CENPP: variants seen among roughly 807,000 people sequenced by gnomAD.
CENPP encodes the protein centromere protein P.
CENPP carries 24 observed loss-of-function variants against 35.6 expected under a neutral mutation model. The ratio of observed to expected loss-of-function variants is 0.67; its 90% CI spans 0.49 to 0.95. The LOEUF is 0.95. CENPP is among the 40% of genes least tolerant of loss of function. The pLI, the probability that CENPP is intolerant of heterozygous loss-of-function variation, is 0.00. For synonymous variants in CENPP, 120 were observed against 125.5 expected, an observed-to-expected ratio of 0.96 and a Z score of 0.29; for missense variants, 332 against 345.3, an observed-to-expected ratio of 0.96 and a Z score of 0.31.
intron 5 of CENPP, among the ~76,000 whole-genome samples, chr9:92,418,668 A>G (rs776844607): frequency 2.0e-5 from 3 of 152,172 alleles, no homozygotes; most frequent in Non-Finnish European, 4.4e-5. Context: ...GGGAGATTCT[A>G]CAACTTCTAT....
chr9:92,465,175 C>T, intron 5 of CENPP: 1 of 636,776 alleles, frequency 1.6e-6, no homozygotes, highest in Non-Finnish European at 2.8e-6. Context: ...ATATCTGCTT[C>T]TGTCTATCTA....
In CENPP at chr9:92,616,568, A is replaced by C. The variant is rs1235633639; in HGVS notation, c.*3419A>C. 2 of 154,740 alleles carry C rather than the reference A, an allele frequency of 1.3e-5. No individual in the cohort carries two copies. Among genetic ancestry groups the C allele is most frequent in the African/African-American group, 4.8e-5 (2 of 41,460 alleles). 9.6% of individuals were successfully genotyped at this position (154,740 alleles called of 1,614,324 possible). On this transcript the variant is annotated 3_prime_UTR_variant, in exon 8 of 8. Transcript: ENST00000375587. ...TCTTCTTTGCCTCTCCTGTCTGCTG[A>C]GAAACGCAAGCTCCTTTGGTTCACA...
intron 5 of CENPP, among the ~76,000 whole-genome samples, chr9:92,598,590 G>A (rs937482377): frequency 6.6e-6 from 1 of 152,184 alleles, no homozygotes; most frequent in African/African-American, 2.4e-5. Flanking sequence ...AACAAGGTCA[G>A]GAGGCAGGGC....
At chr9:92,600,523 CT>C in intron 5 of CENPP, 2 of 1,612,810 alleles carry the variant, frequency 1.2e-6, no homozygotes, top group Non-Finnish European at 1.7e-6. Flanking sequence ...GTGCTGAGGG[CT>C]GGGCCACCCC....
At chr9:92,419,733 A>G (rs1243332626) in intron 5 of CENPP, among the ~76,000 whole-genome samples, 2 of 152,200 alleles carry the variant, frequency 1.3e-5, no homozygotes, top group Non-Finnish European at 2.9e-5. Context: ...AAAAGGTTTT[A>G]AAAAATCCTA....
intron 5 of CENPP, chr9:92,460,524 T>G: frequency 1.9e-6 from 3 of 1,606,352 alleles, no homozygotes; most frequent in Non-Finnish European, 2.6e-6. Flanking sequence ...CTGTTGAAAT[T>G]TTATTATAAT....
chr9:92,550,612 T>G (rs1849568192), intron 5 of CENPP, among the ~76,000 whole-genome samples: 1 of 152,104 alleles, frequency 6.6e-6, no homozygotes, highest in African/African-American at 2.4e-5. Context: ...TCCAGGAGGC[T>G]GGAAGTATTT....
rs868060483 is a variant in CENPP, at chr9:92,404,412, C to G, written c.564+24553C>G. 7 of 855,832 alleles carry G rather than the reference C, an allele frequency of 8.2e-6. No individual in the cohort carries two copies. The Middle Eastern group carries it at 1.3e-3, about 163-fold the overall frequency. The allele number at this position is 855,832 out of a possible 1,614,324, so 53.0% of individuals were successfully genotyped here. A position where few individuals can be genotyped will look rare whatever the true frequency, so the allele number is the denominator to read the frequency against. On this transcript the variant is annotated intron_variant, in intron 5 of 7. Coordinates refer to ENST00000375587, the MANE Select transcript of CENPP (RefSeq NM_001012267.3). ...TAACTGAAACTTAAACCAGAGATGG[C>G]CTTTACATTTATTAAGACTATTAGA...
At chr9:92,486,428 G>A (rs1358332511) in intron 5 of CENPP, among the ~76,000 whole-genome samples, 1 of 152,178 alleles carries the variant, frequency 6.6e-6, no homozygotes, top group Admixed American at 6.5e-5. Context: ...GGAGCATATA[G>A]TATTTTTAAA....
rs186803363 is a variant in CENPP at position 92,611,274 on chromosome 9, C to T, written c.565-40C>T. On this transcript the variant is annotated intron_variant, in intron 5 of 7. Coordinates refer to ENST00000375587, the MANE Select transcript of CENPP (RefSeq NM_001012267.3). ...GCCCCTCCCATGGCCCCTTTCTCCC[C>T]ACCAGTGGATCTGTCTACCCGTTTC... 17 of 1,543,950 alleles carry T rather than the reference C, an allele frequency of 1.1e-5. No homozygotes were observed. In the East Asian group the frequency reaches 3.8e-4, roughly 35 times the overall value.
In CENPP at chr9:92,619,687, T is replaced by A. The variant is rs1173334800; in HGVS notation, c.*6538T>A. On this transcript the variant is annotated 3_prime_UTR_variant, in exon 8 of 8. Coordinates refer to ENST00000375587, the MANE Select transcript of CENPP (RefSeq NM_001012267.3). ...CTGCCTCAGAACCTGAGGGTGGGAT[T>A]AGGAGCGAGGGCCACGGTGAGCACG... is the stretch of plus-strand genomic sequence containing the variant. 5.5e-6 allele frequency: 5 copies of A among 912,876 alleles called. No individual in the cohort carries two copies. Among genetic ancestry groups the A allele is most frequent in the Non-Finnish European group, 8.6e-6 (5 of 584,416 alleles). The allele number at this position is 912,876 out of a possible 1,614,324, so 56.5% of individuals were successfully genotyped here. A position where few individuals can be genotyped will look rare whatever the true frequency, so the allele number is the denominator to read the frequency against.
chr9:92,425,791 T>C (rs1250729622), intron 5 of CENPP, among the ~76,000 whole-genome samples: 3 of 152,234 alleles, frequency 2.0e-5, no homozygotes, highest in Admixed American at 6.5e-5. Context: ...GATTCCATCT[T>C]GTTACTGATC....
chr9:92,482,669 C>T (rs1349168071), intron 5 of CENPP, among the ~76,000 whole-genome samples: 1 of 152,134 alleles, frequency 6.6e-6, no homozygotes, highest in Non-Finnish European at 1.5e-5. Context: ...AAAGTGCAGT[C>T]GGAGTCATTC....
intron 5 of CENPP, among the ~76,000 whole-genome samples, chr9:92,400,498 G>A (rs567028051): frequency 6.6e-6 from 1 of 152,076 alleles, no homozygotes; most frequent in East Asian, 1.9e-4. Context: ...CATACTTCTC[G>A]CTTTTTAAGC....
At chr9:92,374,227 T>C (rs1397934129) in intron 4 of CENPP, among the ~76,000 whole-genome samples, 2 of 149,072 alleles carry the variant, frequency 1.3e-5, no homozygotes, top group Non-Finnish European at 3.0e-5. Context: ...TTACTTCTGC[T>C]GTTTTGCTGT....
intron 5 of CENPP, among the ~76,000 whole-genome samples, chr9:92,434,217 C>T (rs1313168509): frequency 2.6e-5 from 4 of 151,872 alleles, no homozygotes; most frequent in African/African-American, 4.8e-5. Flanking sequence ...GGTGAAACCC[C>T]GTCTCTACTA....
chr9:92,403,427 A>G (rs1329285714), intron 5 of CENPP: 1 of 1,588,336 alleles, frequency 6.3e-7, no homozygotes, highest in South Asian at 1.2e-5. Flanking sequence ...AATCAAGGTG[A>G]CTGGAAGTTA....
At chr9:92,601,607 CG>C (rs1223842367) in intron 5 of CENPP, among the ~76,000 whole-genome samples, 2 of 152,132 alleles carry the variant, frequency 1.3e-5, no homozygotes, top group African/African-American at 4.8e-5. Context: ...GTATTAGGCC[CG>C]GGAAAGTCTC....
chr9:92,588,130 ACT>A (rs1850583151), intron 5 of CENPP, among the ~76,000 whole-genome samples: 1 of 151,436 alleles, frequency 6.6e-6, no homozygotes, highest in South Asian at 2.1e-4. Context: ...ACATAGCAAG[ACT>A]CTGTCTCAAA....
Sources: gnomAD v4.1 joint callset for allele counts (sites outside exome capture counted in the v4.1 genomes callset) on GRCh38, gnomAD v4.1.1 for gene constraint, MANE v1.5 for transcripts, NCBI Gene and HGNC (gene_info 2026-07-23, HGNC 2026-07-21) for gene names.